Variants in MLX observed in about 807,000 individuals in gnomAD.
The protein encoded by MLX is max-like protein X.
A neutral mutation model predicts 33.0 loss-of-function variants in MLX; 15 were observed. The observed-to-expected ratio is 0.45, with a 90% CI of 0.30 to 0.70. MLX has a LOEUF of 0.70. MLX is among the 30% of genes least tolerant of loss of function. The pLI is 0.07. For missense variants in MLX, 285 were observed against 306.3 expected (o/e 0.93, Z 0.52); for synonymous variants, 115 against 115.6 (o/e 0.99, Z 0.03).
chr17:42,567,434 G>T, intron 1 of MLX, 185 bp from the exon 2 acceptor site: 1 of 1,383,102 alleles, frequency 7.2e-7, no homozygotes, highest in Non-Finnish European at 9.7e-7. Context: ...GCACGCCCTA[G>T]CCTGTGCCAG....
chr17:42,568,448 G>A, intron 2 of MLX, 22 bp from the exon 3 acceptor site: 1 of 1,598,748 alleles, frequency 6.3e-7, no homozygotes, highest in Non-Finnish European at 8.6e-7. Flanking sequence ...ACCCCTTAGT[G>A]ATTGGGGCCT....
chr17:42,572,974 G>T lies in MLX; in HGVS notation c.*1371G>T. ...AGTCCTGACCGTGGGCCCCTCAGGG[G>T]TCTGGGAGTGTGACGTTGTAATCTT... On this transcript the variant is annotated 3_prime_UTR_variant, in exon 8 of 8. Transcript: ENST00000435881. The T allele has an allele frequency of 6.2e-7, 1 of 1,614,176 alleles. No homozygotes were observed. The highest frequency in any genetic ancestry group is 1.1e-5 in the South Asian group (1 of 91,080).
chr17:42,572,886 C>CA lies in MLX; in HGVS notation c.*1285dup. The CA allele has an allele frequency of 1.3e-6, 2 of 1,531,458 alleles. No individual in the cohort carries two copies. The highest frequency in any genetic ancestry group is 1.1e-5 in the South Asian group (1 of 88,918). The allele number at this position is 1,531,458 out of a possible 1,614,324, so 94.9% of individuals were successfully genotyped here. ...AAGTAGCAGGAACAACAACAAAAGC[C>CA]AACCAAAAACAAGGTAGCCAGTGCA... On this transcript the variant is annotated 3_prime_UTR_variant, in exon 8 of 8. Transcript: ENST00000435881.
intron 3 of MLX, 82 bp from the exon 4 acceptor site, chr17:42,568,755 C>A: frequency 7.8e-7 from 1 of 1,288,686 alleles, no homozygotes; most frequent in East Asian, 2.5e-5. Context: ...ACACCAGGTT[C>A]TTCCCAGCTG....
At position 42,572,630 on chromosome 17, in the gene MLX, C is replaced by T. The variant is rs2093040998; in HGVS notation, c.*1027C>T. The stretch of plus-strand genomic sequence containing the variant: ...CTTCTGCCTTCCTCAGGTTTGATAT[C>T]TGGCAGGTTTGACTATCCAGAGGAA... On this transcript the variant is annotated 3_prime_UTR_variant, in exon 8 of 8. Coordinates refer to ENST00000435881, the MANE Select transcript of MLX (RefSeq NM_198204.2). 1 of 446,812 alleles carries T rather than the reference C, an allele frequency of 2.2e-6. No homozygotes were observed. Among genetic ancestry groups the T allele is most frequent in the Non-Finnish European group, 4.5e-6 (1 of 223,410 alleles). The allele number at this position is 446,812 out of a possible 1,614,324, so 27.7% of individuals were successfully genotyped here. A position where few individuals can be genotyped will look rare whatever the true frequency, so the allele number is the denominator to read the frequency against.
In MLX at chr17:42,567,150, AG is replaced by A; in HGVS notation, c.28del (p.Asp10ThrfsTer21). 2.4e-6 allele frequency: 3 copies of A among 1,267,936 alleles called. No homozygotes were observed. The highest frequency in any genetic ancestry group is 3.0e-6 in the Non-Finnish European group (3 of 1,006,776). The allele number at this position is 1,267,936 out of a possible 1,614,324, so 78.5% of individuals were successfully genotyped here. A position where few individuals can be genotyped will look rare whatever the true frequency, so the allele number is the denominator to read the frequency against. On this transcript the variant is annotated frameshift_variant, in exon 1 of 8. Coordinates refer to ENST00000435881, the MANE Select transcript of MLX (RefSeq NM_198204.2). LOFTEE classifies it high-confidence loss of function. ...ATGACGGAGCCGGGCGCCTCTCCCG[AG>A]GACCCTTGGGTCAAGGCAAGCCCCG... MTEPGASP[E>X]DPWVKVEYAY... is the part of the protein sequence containing the mutation.
At chr17:42,567,544 C>A (rs2143244760) in intron 1 of MLX, 75 bp from the exon 2 acceptor site, 1 of 1,604,504 alleles carries the variant, frequency 6.2e-7, no homozygotes, top group Non-Finnish European at 8.5e-7. Flanking sequence ...GCGCGCTGTG[C>A]GTGCCTGCAG....
rs2093035742 is a variant in MLX at position 42,572,060 on chromosome 17, A to T, written c.*457A>T. Reference sequence around the variant, plus strand: ...GGCATTTTGGCAGTAGCTGTATGGGAGAAAAAGAGTAAGAGGAAATATTCC... The same window carrying T: ...GGCATTTTGGCAGTAGCTGTATGGGTGAAAAAGAGTAAGAGGAAATATTCC... On this transcript the variant is annotated 3_prime_UTR_variant, in exon 8 of 8. Transcript: ENST00000435881. The T allele has an allele frequency of 1.2e-5, 3 of 258,800 alleles. No individual in the cohort carries two copies. The highest frequency in any genetic ancestry group is 5.0e-5 in the Admixed American group (1 of 19,862). 16.0% of individuals were successfully genotyped at this position (258,800 alleles called of 1,614,324 possible).
At chr17:42,567,515 C>T (rs929684047) in intron 1 of MLX, 104 bp from the exon 2 acceptor site, 91 of 1,554,960 alleles carry the variant, frequency 5.9e-5, no homozygotes, top group Non-Finnish European at 7.4e-5. Flanking sequence ...GTGACAGAGG[C>T]GCCTTCCCGG....
In MLX at chr17:42,567,727, C is replaced by T. The variant is rs1555625718; in HGVS notation, c.79+72C>T. On this transcript the variant is annotated intron_variant, in intron 2 of 7. Transcript: ENST00000435881. Reference sequence around the variant, plus strand: ...GGCTCTCTAGATTCTTGTGGCGTTGCCAACCACGCCTGAGCACAGTCCACT... The same window carrying T: ...GGCTCTCTAGATTCTTGTGGCGTTGTCAACCACGCCTGAGCACAGTCCACT... The T allele has an allele frequency of 9.4e-6, 15 of 1,597,782 alleles. No individual in the cohort carries two copies. In the South Asian group the frequency reaches 1.7e-4, roughly 18 times the overall value.
chr17:42,568,521 G>A lies in MLX; in HGVS notation c.131G>A (p.Ser44Asn), dbSNP rs1484955354. The change falls in exon 3 of 8, where the codon AGC (serine) becomes AAC (asparagine). Residue 44 changes from serine (S) to asparagine (N), a missense_variant. Coordinates refer to ENST00000435881, the MANE Select transcript of MLX (RefSeq NM_198204.2). The part of the protein sequence containing the change: ...RKGSVVSRAN[S>N]IGSTSASSVP... ...GGGAGTGTAGTGTCCAGAGCTAATA[G>A]CATCGGTTCCACCAGTGCCTCTTCT... 6.2e-7 allele frequency: 1 copy of A among 1,613,812 alleles called. No individual in the cohort carries two copies. The highest frequency in any genetic ancestry group is 1.3e-5 in the African/African-American group (1 of 74,866).
intron 6 of MLX, 104 bp downstream of exon 6, chr17:42,569,710 C>T: frequency 2.2e-6 from 2 of 907,280 alleles, no homozygotes; most frequent in Non-Finnish European, 1.8e-6. Context: ...ACAGATAATA[C>T]TCTTAGTTCC....
chr17:42,571,651 T>C lies in MLX; in HGVS notation c.*48T>C, dbSNP rs1440801431. The C allele has an allele frequency of 6.4e-7, 1 of 1,568,112 alleles. No homozygotes were observed. The highest frequency in any genetic ancestry group is 8.8e-7 in the Non-Finnish European group (1 of 1,139,332). ...ACAGCCAACAAGAGGCCCTTGAATC[T>C]CTACGTGGCCACTGAACTGCTGGGC... On this transcript the variant is annotated 3_prime_UTR_variant, in exon 8 of 8. Coordinates refer to ENST00000435881, the MANE Select transcript of MLX (RefSeq NM_198204.2).
chr17:42,568,513 A>C lies in MLX; in HGVS notation c.123A>C (p.Arg41Ser). The C allele has an allele frequency of 6.2e-7, 1 of 1,613,908 alleles. No individual in the cohort carries two copies. The highest frequency in any genetic ancestry group is 1.3e-5 in the African/African-American group (1 of 74,964). The change falls in exon 3 of 8, where the codon AGA (arginine) becomes AGC (serine). Residue 41 changes from arginine (R) to serine (S), a missense_variant. Arg to Ser is a moderately radical substitution (Grantham distance 110). Coordinates refer to ENST00000435881, the MANE Select transcript of MLX (RefSeq NM_198204.2). ...CCCGCAAGGGGAGTGTAGTGTCCAG[A>C]GCTAATAGCATCGGTTCCACCAGTG... ...ESTRKGSVVS[R>S]ANSIGSTSAS...
rs766460362 is a variant in MLX, at chr17:42,568,845, G to C, written c.178G>C (p.Asp60His). 6.2e-7 allele frequency: 1 copy of C among 1,608,306 alleles called. No homozygotes were observed. The highest frequency in any genetic ancestry group is 1.1e-5 in the South Asian group (1 of 90,104). Residue 60 changes from aspartate to histidine, a missense_variant, in exon 4 of 8, where the codon GAC becomes CAC. Asp to His is a moderately conservative substitution (Grantham distance 81). Coordinates refer to ENST00000435881, the MANE Select transcript of MLX (RefSeq NM_198204.2). ...CCCATCTCTGAGCGTAGATGATGAGGACAGTGATTACCACCAGGAGGCCTA... is the reference window on the plus strand; with the variant it reads ...CCCATCTCTGAGCGTAGATGATGAGCACAGTGATTACCACCAGGAGGCCTA... ...ASSVPNTDDE[D>H]SDYHQEAYKE...
At chr17:42,570,312 G>A (rs1264918778) in intron 7 of MLX, 129 bp downstream of exon 7, 30 of 821,550 alleles carry the variant, frequency 3.7e-5, no homozygotes, top group Non-Finnish European at 4.8e-5. Context: ...ACAGCTTTGA[G>A]GGCCCTGGTA....
Position 42,570,165 on chromosome 17 carries a change from G to A in MLX, c.660G>A (p.Glu220=), listed in dbSNP as rs895297408. ...ELSACVFSWI[E]EHCKPQTLRE... ...CAGCGTGTGTCTTCAGCTGGATCGA[G>A]GAGCACTGTAAGCCTCAGGTATGGG... The change falls in exon 7 of 8, where the codon GAG becomes GAA. Residue 220 remains glutamate (E), a synonymous_variant. Transcript: ENST00000435881. 28 of 1,613,838 alleles carry A rather than the reference G, an allele frequency of 1.7e-5. No homozygotes were observed. Among genetic ancestry groups the A allele is most frequent in the Non-Finnish European group, 2.4e-5 (28 of 1,180,030 alleles).
chr17:42,572,992 G>C lies in MLX; in HGVS notation c.*1389G>C. The C allele has an allele frequency of 6.2e-7, 1 of 1,614,232 alleles. No individual in the cohort carries two copies. Among genetic ancestry groups the C allele is most frequent in the Non-Finnish European group, 8.5e-7 (1 of 1,180,038 alleles). On this transcript the variant is annotated 3_prime_UTR_variant, in exon 8 of 8. Transcript: ENST00000435881. ...CTCAGGGGTCTGGGAGTGTGACGTT[G>C]TAATCTTCATCCGTCTCTATCCCAA...
At position 42,572,069 on chromosome 17, in the gene MLX, G is replaced by T; in HGVS notation, c.*466G>T. ...GCAGTAGCTGTATGGGAGAAAAAGA[G>T]TAAGAGGAAATATTCCCACAGCCAT... is the stretch of plus-strand genomic sequence containing the variant. On this transcript the variant is annotated 3_prime_UTR_variant, in exon 8 of 8. Coordinates refer to ENST00000435881, the MANE Select transcript of MLX (RefSeq NM_198204.2). 1 of 260,326 alleles carries T rather than the reference G, an allele frequency of 3.8e-6. No individual in the cohort carries two copies. The highest frequency in any genetic ancestry group is 4.0e-5 in the South Asian group (1 of 25,104). The allele number at this position is 260,326 out of a possible 1,614,324, so 16.1% of individuals were successfully genotyped here.
Sources: allele counts gnomAD v4.1 joint callset, GRCh38; gene constraint gnomAD v4.1.1; transcripts MANE v1.5; gene names NCBI Gene and HGNC (gene_info 2026-07-23, HGNC 2026-07-21).